The following PKHD1L1 variants were observed in gnomAD, a reference collection of about 807,000 sequenced individuals.
PKHD1L1 encodes the protein fibrocystin-L.
In PKHD1L1, 434 loss-of-function variants were observed where a neutral mutation model predicts 462.9. The observed-to-expected ratio is 0.94, with a 90% CI of 0.87 to 1.02. The LOEUF is 1.02. Among genes scored for constraint, PKHD1L1 ranks in the 50% least tolerant of loss-of-function variants. The pLI is 0.00. For synonymous variants in PKHD1L1, 1,781 were observed against 1,750.0 expected, an observed-to-expected ratio of 1.02 and a Z score of -0.44; for missense variants, 5,202 against 5,096.1, an observed-to-expected ratio of 1.02 and a Z score of -0.63.
intron 51 of PKHD1L1, 68 bp from the exon 52 acceptor site, chr8:109,476,440 C>A: frequency 9.3e-7 from 1 of 1,073,394 alleles, no homozygotes; most frequent in Non-Finnish European, 1.3e-6. Flanking sequence ...AATTATATGT[C>A]ATTAAAATTA....
At chr8:109,416,252 C>T (rs1012072376) in intron 21 of PKHD1L1, among the ~76,000 whole-genome samples, 1 of 151,366 alleles carries the variant, frequency 6.6e-6, no homozygotes, top group Non-Finnish European at 1.5e-5. Context: ...ATGTCTTGTC[C>T]CAAGTATAAT....
chr8:109,408,741 C>A (rs1403124546), intron 18 of PKHD1L1, among the ~76,000 whole-genome samples: 1 of 152,112 alleles, frequency 6.6e-6, no homozygotes, highest in Non-Finnish European at 1.5e-5. Flanking sequence ...TCAAAAAGAT[C>A]AATGAGATTC....
intron 21 of PKHD1L1, among the ~76,000 whole-genome samples, chr8:109,417,764 C>T (rs746533532): frequency 2.0e-5 from 3 of 152,098 alleles, no homozygotes; most frequent in Non-Finnish European, 4.4e-5. Flanking sequence ...ATTGGTCAGG[C>T]TGGTCTCGAG....
intron 73 of PKHD1L1, 50 bp from the exon 74 acceptor site, chr8:109,522,136 C>T (rs752230617): frequency 6.7e-7 from 1 of 1,487,114 alleles, no homozygotes; most frequent in Non-Finnish European, 9.2e-7. Context: ...CATGTGTTCT[C>T]ACAATTCTAT....
At chr8:109,369,144 A>T (rs911310814) in intron 2 of PKHD1L1, among the ~76,000 whole-genome samples, 4 of 151,984 alleles carry the variant, frequency 2.6e-5, no homozygotes, top group Non-Finnish European at 5.9e-5. Flanking sequence ...ACCCCCGGCT[A>T]ATTTTTTGTA....
chr8:109,465,754 C>G (rs889709336), intron 49 of PKHD1L1, among the ~76,000 whole-genome samples: 1 of 152,068 alleles, frequency 6.6e-6, no homozygotes, highest in Non-Finnish European at 1.5e-5. Context: ...AGCTGTGAAC[C>G]CTTTTATTCC....
At chr8:109,500,217 A>G (rs753995) in intron 67 of PKHD1L1, among the ~76,000 whole-genome samples, 51,973 of 151,784 alleles carry the variant, frequency 0.34, 9,214 homozygotes, top group South Asian at 0.52. Flanking sequence ...GAAAAACTTT[A>G]AGAAGAGGTT....
At chr8:109,406,557 C>T in intron 17 of PKHD1L1, 79 bp downstream of exon 17, 1 of 1,386,028 alleles carries the variant, frequency 7.2e-7, no homozygotes, top group East Asian at 2.6e-5. Flanking sequence ...CATAAGATGA[C>T]AGAGAAAAAG....
At chr8:109,395,868 T>C (rs978227809) in intron 10 of PKHD1L1, among the ~76,000 whole-genome samples, 159 bp from the exon 11 acceptor site, 2 of 152,244 alleles carry the variant, frequency 1.3e-5, no homozygotes, top group Admixed American at 6.5e-5. Flanking sequence ...TTTTTCAGGA[T>C]TGCATCAGAG....
intron 53 of PKHD1L1, among the ~76,000 whole-genome samples, chr8:109,478,777 C>T (rs1461778169): frequency 1.3e-5 from 2 of 152,030 alleles, no homozygotes; most frequent in Admixed American, 1.3e-4. Flanking sequence ...AGGTAAACTA[C>T]GATAAACTAC....
At chr8:109,485,308 C>A (rs1204836956) in intron 58 of PKHD1L1, 135 bp downstream of exon 58, 4 of 723,438 alleles carry the variant, frequency 5.5e-6, no homozygotes, top group Non-Finnish European at 8.5e-6. Flanking sequence ...GGCAATGATA[C>A]CCAGTGAGTG....
Position 109,445,198 on chromosome 8 carries a change from G to C in PKHD1L1, c.5329G>C (p.Glu1777Gln). 6.2e-7 allele frequency: 1 copy of C among 1,613,932 alleles called. No individual in the cohort carries two copies. The highest frequency in any genetic ancestry group is 8.5e-7 in the Non-Finnish European group (1 of 1,179,884). The part of the protein sequence containing the change: ...IEGEGLGTVL[E>Q]DIAVFIGNQQ... Reference sequence around the variant, plus strand: ...AGGAGAAGGTTTGGGGACTGTTTTGGAGGACATTGCTGTTTTCATTGGAAA... The same window carrying C: ...AGGAGAAGGTTTGGGGACTGTTTTGCAGGACATTGCTGTTTTCATTGGAAA... Residue 1777 changes from glutamate (E) to glutamine (Q), a missense_variant, in exon 38 of 78, where the codon GAG (glutamate) becomes CAG (glutamine). Coordinates refer to ENST00000378402, the MANE Select transcript of PKHD1L1 (RefSeq NM_177531.6).
chr8:109,455,733 G>C (rs1269764095), intron 45 of PKHD1L1, among the ~76,000 whole-genome samples: 2 of 152,118 alleles, frequency 1.3e-5, no homozygotes, highest in Non-Finnish European at 2.9e-5. Context: ...AGAAAGCATG[G>C]TGTGAATCTT....
At chr8:109,408,007 A>G (rs749330398) in intron 17 of PKHD1L1, 42 bp from the exon 18 acceptor site, 41 of 1,423,474 alleles carry the variant, frequency 2.9e-5, no homozygotes, top group African/African-American at 2.1e-4. Context: ...TAGGCATTTT[A>G]TTAGTTAATG....
intron 21 of PKHD1L1, among the ~76,000 whole-genome samples, chr8:109,415,407 C>A (rs531879269): frequency 2.0e-5 from 3 of 152,080 alleles, no homozygotes; most frequent in Non-Finnish European, 2.9e-5. Flanking sequence ...GGAAAGGAAA[C>A]CTTGTTTGTT....
Position 109,451,026 on chromosome 8 carries a change from T to C in PKHD1L1, c.6227T>C (p.Leu2076Ser), listed in dbSNP as rs756780726. The stretch of plus-strand genomic sequence containing the variant: ...GTGAGTGTGGTTAATGGGAAAGATT[T>C]GTCACAGTCCATGACTCCGTTTACG... ...CEVSVVNGKD[L>S]SQSMTPFTYA... The change falls in exon 41 of 78, where the codon TTG becomes TCG. Residue 2076 changes from leucine (L) to serine (S), a missense_variant. Physicochemically the swap from Leu to Ser is moderately radical, Grantham distance 145 (BLOSUM62 -2). Around this residue, in one of 3 missense-constraint regions of PKHD1L1, gnomAD observed 4,497 missense variants for 4,336.8 expected, o/e 1.04. Coordinates refer to ENST00000378402, the MANE Select transcript of PKHD1L1 (RefSeq NM_177531.6). 3.1e-6 allele frequency: 5 copies of C among 1,613,724 alleles called. No homozygotes were observed. The South Asian group carries it at 4.4e-5, about 14-fold the overall frequency.
intron 41 of PKHD1L1, among the ~76,000 whole-genome samples, chr8:109,451,362 T>C (rs1816489520): frequency 6.6e-6 from 1 of 152,250 alleles, no homozygotes; most frequent in Non-Finnish European, 1.5e-5. Flanking sequence ...GGAGAAGTCC[T>C]GCCTTACTTC....
intron 67 of PKHD1L1, among the ~76,000 whole-genome samples, chr8:109,500,597 C>G (rs914380645): frequency 7.4e-6 from 1 of 135,270 alleles, no homozygotes; most frequent in Non-Finnish European, 1.5e-5. Context: ...TTGCTTGAAA[C>G]TGGGAGGCGG....
chr8:109,470,528 G>C, intron 50 of PKHD1L1: 1 of 1,610,704 alleles, frequency 6.2e-7, no homozygotes. Context: ...AAGAAGCAGG[G>C]ATTTGATTTT....
Sources: allele counts gnomAD v4.1 joint callset (sites outside exome capture counted in the v4.1 genomes callset), GRCh38; gene constraint gnomAD v4.1.1; regional missense constraint gnomAD v4.1.1; transcripts MANE v1.5; gene names NCBI Gene and HGNC (gene_info 2026-07-23, HGNC 2026-07-21).